Variants in IGFL2 observed in about 807,000 individuals in gnomAD.
IGFL2 encodes insulin growth factor-like family member 2.
In IGFL2, 7 loss-of-function variants were observed where a neutral mutation model predicts 13.9. The observed-to-expected ratio is 0.51, with a 90% confidence interval of 0.29 to 0.95. The LOEUF is 0.95. IGFL2 is among the 40% of genes least tolerant of loss of function. IGFL2 has a pLI of 0.08. For synonymous variants in IGFL2, 55 were observed against 55.8 expected (o/e 0.99, Z 0.07); for missense variants, 138 against 147.8 (o/e 0.93, Z 0.34).
the IGFL2 span, among the ~76,000 whole-genome samples, chr19:46,179,077 C>G: frequency 1.3e-5 from 2 of 151,906 alleles, no homozygotes; most frequent in African/African-American, 4.8e-5. Flanking sequence ...GAGAAAGAGG[C>G]AGGGCTGCAG....
chr19:46,170,348 T>TA, the IGFL2 span, among the ~76,000 whole-genome samples: 63 of 152,312 alleles, frequency 4.1e-4, no homozygotes, highest in African/African-American at 1.4e-3. Flanking sequence ...TCAATACTCT[T>TA]ATAATTTCCT....
the IGFL2 span, among the ~76,000 whole-genome samples, chr19:46,185,721 G>A: frequency 6.6e-6 from 1 of 152,176 alleles, no homozygotes; most frequent in Non-Finnish European, 1.5e-5. Context: ...CATTGAGGTC[G>A]TTTTATTATT....
At chr19:46,146,930 A>G (rs1973167114), upstream of IGFL2, among the ~76,000 whole-genome samples, 1 of 152,190 alleles carries the variant, frequency 6.6e-6, no homozygotes, top group South Asian at 2.1e-4. Context: ...TCAATGGAAA[A>G]CACAGGAGCG....
chr19:46,208,185 A>G, the IGFL2 span: 1 of 152,272 alleles, frequency 6.6e-6, no homozygotes. Context: ...TCAGCTTCCC[A>G]GCCCTTCCTC....
At chr19:46,202,055 G>A in the IGFL2 span, among the ~76,000 whole-genome samples, 1 of 152,096 alleles carries the variant, frequency 6.6e-6, no homozygotes, top group Non-Finnish European at 1.5e-5. Flanking sequence ...GAGCAGTGTG[G>A]GGAGGAGGGG....
the IGFL2 span, among the ~76,000 whole-genome samples, chr19:46,110,308 T>G: frequency 1.3e-5 from 2 of 152,208 alleles, no homozygotes; most frequent in African/African-American, 4.8e-5. Flanking sequence ...TGGGTCTGAG[T>G]GTACTCAATA....
the IGFL2 span, among the ~76,000 whole-genome samples, chr19:46,116,462 T>C: frequency 6.6e-6 from 1 of 152,236 alleles, no homozygotes; most frequent in African/African-American, 2.4e-5. Context: ...CAATGTCTCT[T>C]TGCTGATTCA....
At chr19:46,194,850 ATATTT>A in the IGFL2 span, among the ~76,000 whole-genome samples, 61 of 35,598 alleles carry the variant, frequency 1.7e-3, no homozygotes, top group South Asian at 8.0e-3. Context: ...ATATATATAT[ATATTT>A]TTTTTTTTTT....
downstream of IGFL2, chr19:46,161,318 CTTTTTTT>C (rs71175262): frequency 3.0e-3 from 712 of 239,108 alleles, 2 homozygotes; most frequent in African/African-American, 0.014. Flanking sequence ...CGTCTCCTTT[CTTTTTTT>C]TTTTTTTTTT....
chr19:46,178,977 G>GT, the IGFL2 span, among the ~76,000 whole-genome samples: 3 of 152,162 alleles, frequency 2.0e-5, no homozygotes, highest in Admixed American at 6.5e-5. Flanking sequence ...ACAGAGTTTG[G>GT]TTTTTTCATC....
At chr19:46,132,717 A>G in the IGFL2 span, among the ~76,000 whole-genome samples, 1 of 144,242 alleles carries the variant, frequency 6.9e-6, no homozygotes, top group Non-Finnish European at 1.5e-5. Flanking sequence ...AGGAGGGAGA[A>G]AGGGAGGGAG....
chr19:46,170,481 T>C, the IGFL2 span, among the ~76,000 whole-genome samples: 3 of 152,188 alleles, frequency 2.0e-5, no homozygotes, highest in Admixed American at 2.0e-4. Context: ...GTTTGAACAG[T>C]TTGAAATCTG....
chr19:46,194,852 A>ATATATATAT, the IGFL2 span, among the ~76,000 whole-genome samples: 1 of 31,598 alleles, frequency 3.2e-5, no homozygotes, highest in African/African-American at 1.3e-4. Flanking sequence ...ATATATATAT[A>ATATATATAT]TTTTTTTTTT....
downstream of IGFL2, among the ~76,000 whole-genome samples, chr19:46,165,065 C>G (rs141509605): frequency 6.2e-4 from 95 of 152,254 alleles, no homozygotes; most frequent in East Asian, 0.017. Flanking sequence ...CTTGTTAGGC[C>G]CTTGTACTGC....
chr19:46,113,034 G>A, the IGFL2 span: 1 of 152,124 alleles, frequency 6.6e-6, no homozygotes, highest in African/African-American at 2.4e-5. Flanking sequence ...TTTCTATTTG[G>A]GTGCACCCAT....
At chr19:46,155,545 A>G (rs1328975271) in intron 1 of IGFL2, among the ~76,000 whole-genome samples, 1 of 152,208 alleles carries the variant, frequency 6.6e-6, no homozygotes, top group Non-Finnish European at 1.5e-5. Context: ...TAAAAAAAAT[A>G]ATTTTCATCA....
In IGFL2 at chr19:46,148,974, C is replaced by T. The variant is rs201098860; in HGVS notation, c.19+677C>T. On this transcript the variant is annotated intron_variant, in intron 1 of 3. Coordinates refer to ENST00000377693, the MANE Select transcript of IGFL2 (RefSeq NM_001135113.2). ...TTGCCTGGAGTTCCTGGGCTCTCAG[C>T]GCCAGGAAATCATGAGGTTCAGTGT... The T allele has an allele frequency of 1.2e-4, 195 of 1,591,960 alleles. No individual in the cohort carries two copies. In the African/African-American group the frequency reaches 1.6e-3, roughly 13 times the overall value.
At chr19:46,136,796 A>C in the IGFL2 span, 1 of 670,370 alleles carries the variant, frequency 1.5e-6, no homozygotes, top group Non-Finnish European at 2.8e-6. Context: ...GTTTGAGTGC[A>C]ACATTCACTA....
chr19:46,124,788 C>A, the IGFL2 span: 1 of 736,100 alleles, frequency 1.4e-6, no homozygotes, highest in South Asian at 1.5e-5. Context: ...TGCAGTCTCC[C>A]AAGCACATTC....
Sources: gnomAD v4.1 joint callset for allele counts (sites outside exome capture counted in the v4.1 genomes callset) on GRCh38, gnomAD v4.1.1 for gene constraint, MANE v1.5 for transcripts, NCBI Gene and HGNC (gene_info 2026-07-23, HGNC 2026-07-21) for gene names.